The following SNAPC3 variants were observed in gnomAD, a reference collection of about 807,000 sequenced individuals.
SNAPC3 encodes small nuclear RNA activating complex polypeptide 3.
SNAPC3 carries 56 observed loss-of-function variants against 47.7 expected under a neutral mutation model. That is an observed-to-expected ratio of 1.18 (90% CI 0.95 to 1.47). The LOEUF is 1.47. SNAPC3 is among the 40% of genes most tolerant of loss of function. The pLI is 0.00. For synonymous variants in SNAPC3, 235 were observed against 189.9 expected, an observed-to-expected ratio of 1.24 and a Z score of -1.95; for missense variants, 665 against 511.3, an observed-to-expected ratio of 1.30 and a Z score of -2.90.
intron 3 of SNAPC3, 55 bp downstream of exon 3, chr9:15,433,691 T>C (rs1038446019): frequency 9.0e-6 from 10 of 1,108,618 alleles, no homozygotes; most frequent in Non-Finnish European, 1.4e-5. Context: ...TAAACCGACA[T>C]TGGCTGAGGG....
downstream of SNAPC3, chr9:15,466,688 C>A: frequency 7.5e-7 from 1 of 1,333,558 alleles, no homozygotes; most frequent in South Asian, 1.3e-5. Flanking sequence ...TGGAACAGAA[C>A]TGTGATTAAA....
chr9:15,433,509 A>T, intron 2 of SNAPC3, 43 bp from the exon 3 acceptor site: 1 of 1,209,012 alleles, frequency 8.3e-7, no homozygotes. Flanking sequence ...CGAATAACAA[A>T]TGTTGAACTT....
At chr9:15,432,662 G>C (rs887252753) in intron 2 of SNAPC3, among the ~76,000 whole-genome samples, 1 of 152,178 alleles carries the variant, frequency 6.6e-6, no homozygotes, top group South Asian at 2.1e-4. Context: ...ACAATTATCT[G>C]TAGGTTCATA....
downstream of SNAPC3, chr9:15,465,444 A>C (rs757593296): frequency 8.1e-5 from 105 of 1,302,630 alleles, no homozygotes; most frequent in Non-Finnish European, 1.1e-4. Context: ...TAAAAATTTA[A>C]AACTTTCAGC....
At chr9:15,447,658 C>G (rs1190138724) in intron 5 of SNAPC3, among the ~76,000 whole-genome samples, 1 of 152,102 alleles carries the variant, frequency 6.6e-6, no homozygotes, top group Non-Finnish European at 1.5e-5. Flanking sequence ...GTAACTTGAC[C>G]TCACTGTAGC....
chr9:15,465,139 G>A (rs1269577005), downstream of SNAPC3: 1 of 234,854 alleles, frequency 4.3e-6, no homozygotes, highest in Non-Finnish European at 8.4e-6. Flanking sequence ...TAAAAACTAT[G>A]CACAAAACCC....
chr9:15,434,446 C>T (rs1481724385), intron 3 of SNAPC3, among the ~76,000 whole-genome samples: 17 of 144,376 alleles, frequency 1.2e-4, no homozygotes, highest in African/African-American at 3.9e-4. Flanking sequence ...CTCGCTGTGT[C>T]GCCCAGGCTG....
rs1287149293 is a variant in SNAPC3 at position 15,461,327 on chromosome 9, A to C, written c.*1461A>C. On this transcript the variant is annotated 3_prime_UTR_variant, in exon 9 of 9. Coordinates refer to ENST00000380821, the MANE Select transcript of SNAPC3 (RefSeq NM_001039697.2). ...GTGGCACAGGCCACCATGGCGGGCT[A>C]ATTTTTTTATTTCTTGTAGATACAG... 1.3e-5 allele frequency: 2 copies of C among 152,090 alleles called. No individual in the cohort carries two copies. Among genetic ancestry groups the C allele is most frequent in the Non-Finnish European group, 1.5e-5 (1 of 68,022 alleles). The allele number at this position is 152,090 out of a possible 1,614,324, so 9.4% of individuals were successfully genotyped here.
chr9:15,462,588 G>A (rs2035297460), downstream of SNAPC3: 3 of 152,284 alleles, frequency 2.0e-5, no homozygotes, highest in South Asian at 6.2e-4. Context: ...TCATGAACAT[G>A]TCAACCTGCT....
chr9:15,438,531 C>T (rs2033032894), intron 3 of SNAPC3, among the ~76,000 whole-genome samples: 2 of 151,642 alleles, frequency 1.3e-5, no homozygotes, highest in Non-Finnish European at 2.9e-5. Context: ...ATTCTTAATT[C>T]CTTATCTAGT....
chr9:15,454,359 A>G (rs984176791), intron 7 of SNAPC3, among the ~76,000 whole-genome samples: 2 of 152,240 alleles, frequency 1.3e-5, no homozygotes, highest in Non-Finnish European at 2.9e-5. Flanking sequence ...CTATCAGAAG[A>G]TGTAAAAGTG....
chr9:15,466,115 C>T (rs554565406), downstream of SNAPC3, among the ~76,000 whole-genome samples: 2 of 151,636 alleles, frequency 1.3e-5, no homozygotes, highest in East Asian at 3.9e-4. Flanking sequence ...CATGTTGGCT[C>T]ACAGCTGTAA....
chr9:15,441,702 G>A (rs1245767898), intron 3 of SNAPC3, among the ~76,000 whole-genome samples: 2 of 152,090 alleles, frequency 1.3e-5, no homozygotes, highest in Admixed American at 1.3e-4. Context: ...CAGAGAGCAG[G>A]GGGTTGGGGG....
At chr9:15,435,243 C>G (rs1032114321) in intron 3 of SNAPC3, among the ~76,000 whole-genome samples, 1 of 152,056 alleles carries the variant, frequency 6.6e-6, no homozygotes, top group East Asian at 1.9e-4. Context: ...AATATTTTGT[C>G]CATTTTCAAA....
intron 6 of SNAPC3, among the ~76,000 whole-genome samples, chr9:15,452,387 C>T (rs1227911467): frequency 2.1e-5 from 3 of 144,420 alleles, no homozygotes; most frequent in Admixed American, 7.3e-5. Context: ...GGCGCGATTT[C>T]GGCTCACCAC....
intron 3 of SNAPC3, among the ~76,000 whole-genome samples, chr9:15,439,065 G>A (rs755365379): frequency 4.2e-4 from 63 of 151,486 alleles, no homozygotes; most frequent in Non-Finnish European, 7.4e-4. Flanking sequence ...GCTGGAGTGC[G>A]GTGGCGCCAT....
intron 2 of SNAPC3, among the ~76,000 whole-genome samples, chr9:15,433,325 T>TA (rs1226782772): frequency 6.6e-6 from 1 of 151,604 alleles, no homozygotes; most frequent in Non-Finnish European, 1.5e-5. Flanking sequence ...AAAAGGCGTA[T>TA]AGCTAATAAT....
At chr9:15,442,779 T>C (rs1346130175) in intron 3 of SNAPC3, among the ~76,000 whole-genome samples, 1 of 152,010 alleles carries the variant, frequency 6.6e-6, no homozygotes, top group African/African-American at 2.4e-5. Flanking sequence ...GGCGGCCGGG[T>C]ACAGGCTGCA....
At chr9:15,423,760 T>G (rs1232369770) in intron 1 of SNAPC3, 149 bp from the exon 2 acceptor site, 1 of 433,948 alleles carries the variant, frequency 2.3e-6, no homozygotes, top group Non-Finnish European at 4.2e-6. Flanking sequence ...ATCACAGAAA[T>G]CGTTGTCTTA....
Sources: allele counts gnomAD v4.1 joint callset (sites outside exome capture counted in the v4.1 genomes callset), GRCh38; gene constraint gnomAD v4.1.1; transcripts MANE v1.5; gene names NCBI Gene and HGNC (gene_info 2026-07-23, HGNC 2026-07-21).